The following WDR49 variants were observed in gnomAD, a reference collection of about 807,000 sequenced individuals.
WDR49 encodes the protein cilia- and flagella-associated protein 337.
A neutral mutation model predicts 119.5 loss-of-function variants in WDR49; 107 were observed. That is an observed-to-expected ratio of 0.90 (90% CI 0.77 to 1.05). The LOEUF (loss-of-function observed/expected upper bound fraction) is 1.05, where lower values mean the gene tolerates loss of function less well. WDR49 is among the 50% of genes least tolerant of loss of function. The pLI is 0.00. For synonymous variants in WDR49, 425 were observed against 418.8 expected (o/e 1.01, Z -0.18); for missense variants, 1,240 against 1,220.5 (o/e 1.02, Z -0.24).
chr3:167,522,495 C>G lies in WDR49; in HGVS notation c.2605-11G>C. On this transcript the variant is annotated splice_polypyrimidine_tract_variant and intron_variant, in intron 15 of 18. Transcript: ENST00000682715. ...ATGCCAGTGCTTTGCCTGAAAAAAA[C>G]GAAAACATCTGTTTTATTTTTATGA... The G allele has an allele frequency of 6.3e-7, 1 of 1,584,044 alleles. No homozygotes were observed. Among genetic ancestry groups the G allele is most frequent in the Non-Finnish European group, 8.5e-7 (1 of 1,172,728 alleles).
At chr3:167,496,519 A>G (rs564937723) in intron 18 of WDR49, among the ~76,000 whole-genome samples, 1 of 152,064 alleles carries the variant, frequency 6.6e-6, no homozygotes, top group South Asian at 2.1e-4. Flanking sequence ...TAGCTCGGGT[A>G]TACTCTGGTT....
chr3:167,598,690 C>A (rs1472865823), intron 7 of WDR49, among the ~76,000 whole-genome samples: 1 of 152,198 alleles, frequency 6.6e-6, no homozygotes, highest in Non-Finnish European at 1.5e-5. Context: ...ATTATCCAGT[C>A]TCATAGTTCT....
At chr3:167,581,627 A>G (rs552330253) in intron 7 of WDR49, among the ~76,000 whole-genome samples, 1 of 152,300 alleles carries the variant, frequency 6.6e-6, no homozygotes, top group East Asian at 1.9e-4. Context: ...TATTATTCAC[A>G]CAGGCATCAT....
At chr3:167,483,417 C>T (rs1750795293) in intron 18 of WDR49, among the ~76,000 whole-genome samples, 1 of 152,160 alleles carries the variant, frequency 6.6e-6, no homozygotes, top group African/African-American at 2.4e-5. Flanking sequence ...AGGCCATTAA[C>T]CCAATAGCTA....
chr3:167,656,178 G>A (rs73173062), upstream of WDR49, among the ~76,000 whole-genome samples: 262 of 152,276 alleles, frequency 1.7e-3, no homozygotes, highest in Non-Finnish European at 3.0e-3. Flanking sequence ...CAGAACGGGG[G>A]TGTATTTACC....
chr3:167,632,557 G>A (rs1717421760), intron 2 of WDR49, among the ~76,000 whole-genome samples: 1 of 151,878 alleles, frequency 6.6e-6, no homozygotes, highest in Admixed American at 6.6e-5. Context: ...CTAGTAGTTT[G>A]TTTTTACTAA....
chr3:167,483,059 C>G (rs13326817), intron 18 of WDR49, among the ~76,000 whole-genome samples: 1 of 152,082 alleles, frequency 6.6e-6, no homozygotes, highest in African/African-American at 2.4e-5. Flanking sequence ...TTCATTCTAT[C>G]ATTACTGAGC....
chr3:167,647,775 C>T (rs1361506217), intron 2 of WDR49, among the ~76,000 whole-genome samples: 3 of 152,096 alleles, frequency 2.0e-5, no homozygotes, highest in Admixed American at 6.6e-5. Flanking sequence ...ACCTGTTTAC[C>T]TTCTCACAAG....
chr3:167,621,819 C>A (rs775550522), intron 3 of WDR49, among the ~76,000 whole-genome samples, 176 bp from the exon 4 acceptor site: 17 of 152,122 alleles, frequency 1.1e-4, no homozygotes, highest in Non-Finnish European at 2.4e-4. Flanking sequence ...ACTGTGGAAT[C>A]TAGCCAAGAA....
chr3:167,506,107 T>A (rs903893086), intron 16 of WDR49, among the ~76,000 whole-genome samples: 1 of 152,218 alleles, frequency 6.6e-6, no homozygotes, highest in Non-Finnish European at 1.5e-5. Context: ...AACACATCCA[T>A]CGTCTCAAAA....
At chr3:167,560,608 A>G (rs1017048061) in intron 8 of WDR49, among the ~76,000 whole-genome samples, 1 of 152,238 alleles carries the variant, frequency 6.6e-6, no homozygotes, top group South Asian at 2.1e-4. Context: ...GAAACATTTT[A>G]TAATATAGCA....
intron 6 of WDR49, 93 bp downstream of exon 6, chr3:167,604,208 A>G: frequency 6.9e-7 from 1 of 1,439,612 alleles, no homozygotes; most frequent in Non-Finnish European, 9.4e-7. Flanking sequence ...CTATAGCAAT[A>G]CAGCAACAAG....
intron 11 of WDR49, among the ~76,000 whole-genome samples, chr3:167,533,327 T>A (rs970722442): frequency 6.6e-6 from 1 of 152,174 alleles, no homozygotes; most frequent in African/African-American, 2.4e-5. Context: ...TTAACTCTGC[T>A]TGATGCTGCA....
At chr3:167,488,192 A>C (rs936556728) in intron 18 of WDR49, among the ~76,000 whole-genome samples, 1 of 140,892 alleles carries the variant, frequency 7.1e-6, no homozygotes, top group Non-Finnish European at 1.5e-5. Context: ...ACACACACAC[A>C]CCATGGAATA....
chr3:167,525,184 C>A (rs879439065), intron 15 of WDR49, among the ~76,000 whole-genome samples: 2 of 151,964 alleles, frequency 1.3e-5, no homozygotes, highest in African/African-American at 4.8e-5. Flanking sequence ...AATGGGAATT[C>A]GCTCATGATT....
intron 1 of WDR49, 49 bp from the exon 2 acceptor site, chr3:167,653,548 A>C (rs1718489307): frequency 8.1e-7 from 1 of 1,237,676 alleles, no homozygotes; most frequent in East Asian, 2.7e-5. Flanking sequence ...ATGAAAGTAC[A>C]AACCTTTCAA....
chr3:167,539,305 T>C (rs985960282), intron 10 of WDR49, among the ~76,000 whole-genome samples: 6 of 152,160 alleles, frequency 3.9e-5, no homozygotes, highest in African/African-American at 1.2e-4. Context: ...CCAAACAATA[T>C]TCTTAGTCTT....
Position 167,505,303 on chromosome 3 carries a change from T to TTAC in WDR49, c.2884+1_2884+3dup. ...AAAATACATTAACAACAGTGACTAC[T>TTAC]TACTGAATGATTTTTTTATAACTTC... is the stretch of plus-strand genomic sequence containing the variant. On this transcript the variant is annotated splice_donor_region_variant and intron_variant, in intron 17 of 18. Coordinates refer to ENST00000682715, the MANE Select transcript of WDR49 (RefSeq NM_001366157.1). The TTAC allele has an allele frequency of 6.7e-7, 1 of 1,498,852 alleles. No homozygotes were observed. Among genetic ancestry groups the TTAC allele is most frequent in the Non-Finnish European group, 8.8e-7 (1 of 1,131,696 alleles). The allele number at this position is 1,498,852 out of a possible 1,614,324, so 92.8% of individuals were successfully genotyped here.
chr3:167,581,263 C>G (rs1242033342), intron 7 of WDR49, among the ~76,000 whole-genome samples: 2 of 152,096 alleles, frequency 1.3e-5, no homozygotes, highest in African/African-American at 4.8e-5. Flanking sequence ...TGCAATATTA[C>G]AAGTGAATAC....
Sources: allele counts gnomAD v4.1 joint callset (sites outside exome capture counted in the v4.1 genomes callset), GRCh38; gene constraint gnomAD v4.1.1; transcripts MANE v1.5; gene names NCBI Gene and HGNC (gene_info 2026-07-23, HGNC 2026-07-21).